Variants in ULK4 observed in about 807,000 individuals in gnomAD.
ULK4 encodes the protein inactive serine/threonine-protein kinase ULK4.
A neutral mutation model predicts 160.6 loss-of-function variants in ULK4; 133 were observed. That is an observed-to-expected ratio of 0.83 (90% CI 0.72 to 0.96). ULK4 has a LOEUF of 0.96. Among genes scored for constraint, ULK4 ranks in the 40% least tolerant of loss-of-function variants. The pLI, the probability that ULK4 is intolerant of heterozygous loss-of-function variation, is 0.00. For missense variants in ULK4, 1,580 were observed against 1,499.5 expected (o/e 1.05, Z -0.89); for synonymous variants, 534 against 539.8 (o/e 0.99, Z 0.15).
In ULK4 at chr3:41,463,353, C is replaced by A. The variant is rs1483179045; in HGVS notation, c.3227-100G>T. The A allele has an allele frequency of 5.9e-6, 7 of 1,189,584 alleles. No homozygotes were observed. In the East Asian group the frequency reaches 1.7e-4, roughly 29 times the overall value. 73.7% of individuals were successfully genotyped at this position (1,189,584 alleles called of 1,614,324 possible). Reference sequence around the variant, plus strand: ...GCATTCTGGCTCTATGTTGCATAAACCCTAAGCAATACTTAAACTATACTC... The same window carrying A: ...GCATTCTGGCTCTATGTTGCATAAAACCTAAGCAATACTTAAACTATACTC... On this transcript the variant is annotated intron_variant, in intron 32 of 36. Transcript: ENST00000301831.
intron 30 of ULK4, among the ~76,000 whole-genome samples, chr3:41,641,675 G>C (rs1332947198): frequency 2.6e-5 from 4 of 152,190 alleles, no homozygotes; most frequent in Admixed American, 1.3e-4. Flanking sequence ...AGAGCAGGCT[G>C]AGAGACTCAA....
chr3:41,686,553 TAA>T (rs1434012831), intron 27 of ULK4, among the ~76,000 whole-genome samples: 5 of 152,146 alleles, frequency 3.3e-5, no homozygotes, highest in Admixed American at 1.3e-4. Flanking sequence ...AGATGAAAAT[TAA>T]AAGTCATCTA....
chr3:41,764,850 A>G (rs955581232), intron 21 of ULK4, among the ~76,000 whole-genome samples: 4 of 152,252 alleles, frequency 2.6e-5, no homozygotes, highest in Non-Finnish European at 5.9e-5. Context: ...GTCCAAATAA[A>G]TAAAAATATC....
intron 16 of ULK4, among the ~76,000 whole-genome samples, chr3:41,890,382 A>T (rs1323544898): frequency 6.6e-6 from 1 of 152,078 alleles, no homozygotes; most frequent in Non-Finnish European, 1.5e-5. Flanking sequence ...TATAAAAGCT[A>T]AAGGAGGGAT....
intron 32 of ULK4, among the ~76,000 whole-genome samples, chr3:41,491,777 A>T (rs2084777110): frequency 7.9e-6 from 1 of 125,882 alleles, no homozygotes; most frequent in South Asian, 2.5e-4. Context: ...CATGTGCACA[A>T]TGTGCAGGTT....
intron 22 of ULK4, among the ~76,000 whole-genome samples, chr3:41,730,902 C>A (rs1249404974): frequency 1.3e-5 from 2 of 151,946 alleles, no homozygotes; most frequent in Non-Finnish European, 2.9e-5. Context: ...AAATGTGATC[C>A]ATCACATTAA....
intron 35 of ULK4, among the ~76,000 whole-genome samples, chr3:41,265,162 A>T (rs776845711): frequency 3.3e-5 from 5 of 152,222 alleles, no homozygotes; most frequent in Non-Finnish European, 7.3e-5. Context: ...ACCGAGCCTC[A>T]GTCAGGAGGG....
intron 29 of ULK4, among the ~76,000 whole-genome samples, chr3:41,677,716 C>A (rs563811244): frequency 1.3e-5 from 2 of 152,030 alleles, no homozygotes; most frequent in Non-Finnish European, 2.9e-5. Context: ...TTAAATAGTA[C>A]GCGGTTCATT....
chr3:41,542,155 G>A (rs1022804648), intron 32 of ULK4, among the ~76,000 whole-genome samples: 13 of 152,086 alleles, frequency 8.5e-5, no homozygotes, highest in Non-Finnish European at 5.9e-5. Context: ...CTGTGGGTTT[G>A]TCATAAACAG....
intron 32 of ULK4, among the ~76,000 whole-genome samples, chr3:41,563,199 T>C (rs947223237): frequency 2.0e-5 from 3 of 152,374 alleles, no homozygotes; most frequent in African/African-American, 7.2e-5. Context: ...CACTCTCTTC[T>C]GGCTTGTAGG....
In ULK4 at chr3:41,690,571, T is replaced by C. The variant is rs530383333; in HGVS notation, c.2782-8767A>G. ...GGCTTCTAGGCAGCCCTCCTCTTTG[T>C]TTCTGCCTCCTTTCCTCTTTTCTTA... On this transcript the variant is annotated intron_variant, in intron 27 of 36. Transcript: ENST00000301831. 5.3e-5 allele frequency among the ~76,000 whole-genome samples: 8 copies of C among 151,910 alleles called. No homozygotes were observed. In the East Asian group the frequency reaches 9.6e-4, roughly 18 times the overall value.
chr3:41,844,623 A>G (rs1426560441), intron 17 of ULK4, among the ~76,000 whole-genome samples: 2 of 152,226 alleles, frequency 1.3e-5, no homozygotes, highest in Non-Finnish European at 2.9e-5. Flanking sequence ...ACAGTGCAGC[A>G]GCAGGCTGAA....
chr3:41,796,801 C>T (rs1449773207), intron 20 of ULK4, among the ~76,000 whole-genome samples: 2 of 152,032 alleles, frequency 1.3e-5, no homozygotes, highest in Non-Finnish European at 2.9e-5. Flanking sequence ...ACAAAGAGCA[C>T]CCAGATCTTC....
At chr3:41,704,976 C>T in intron 27 of ULK4, 81 bp downstream of exon 27, 1 of 1,061,928 alleles carries the variant, frequency 9.4e-7, no homozygotes, top group Non-Finnish European at 1.4e-6. Flanking sequence ...ATGAGCCAAG[C>T]ACTGTAAACG....
At chr3:41,805,823 A>G (rs2040625873) in intron 19 of ULK4, among the ~76,000 whole-genome samples, 1 of 146,680 alleles carries the variant, frequency 6.8e-6, no homozygotes, top group Non-Finnish European at 1.5e-5. Context: ...CTTGCATCCC[A>G]GGGATGAAGC....
chr3:41,455,050 TTTTTA>T (rs942534606), intron 34 of ULK4, among the ~76,000 whole-genome samples: 1 of 152,166 alleles, frequency 6.6e-6, no homozygotes, highest in African/African-American at 2.4e-5. Context: ...GTCTTACCTG[TTTTTA>T]TTTAATTTTG....
chr3:41,621,802 A>G (rs1455265439), intron 30 of ULK4, among the ~76,000 whole-genome samples: 1 of 152,226 alleles, frequency 6.6e-6, no homozygotes, highest in Non-Finnish European at 1.5e-5. Context: ...AAAGCAAAAG[A>G]AACTACCATC....
At chr3:41,811,527 A>C (rs1314080690) in intron 19 of ULK4, among the ~76,000 whole-genome samples, 3 of 152,198 alleles carry the variant, frequency 2.0e-5, no homozygotes, top group Admixed American at 6.5e-5. Context: ...TATTGGAAAG[A>C]AAACAGTATG....
intron 35 of ULK4, among the ~76,000 whole-genome samples, chr3:41,347,786 C>T (rs1317680715): frequency 6.6e-6 from 1 of 152,158 alleles, no homozygotes; most frequent in African/African-American, 2.4e-5. Flanking sequence ...ACTCTGGGCC[C>T]ACTGAGGGCA....
Sources: allele counts gnomAD v4.1 joint callset (sites outside exome capture counted in the v4.1 genomes callset), GRCh38; gene constraint gnomAD v4.1.1; transcripts MANE v1.5; gene names NCBI Gene and HGNC (gene_info 2026-07-23, HGNC 2026-07-21).